FRK: variants seen among roughly 807,000 people sequenced by gnomAD.
The protein encoded by FRK is fyn related Src family tyrosine kinase, also known as tyrosine-protein kinase FRK.
Under a neutral mutation model 56.4 loss-of-function variants are expected in FRK, and 51 were observed. That is an observed-to-expected ratio of 0.90 (90% CI 0.72 to 1.14). The LOEUF (loss-of-function observed/expected upper bound fraction) is 1.14. Ranked by LOEUF, FRK falls within the 50% of genes most tolerant of loss-of-function variation. The probability of loss-of-function intolerance (pLI) is 0.00; values close to 1 mark genes in which losing one functional copy is unlikely to be tolerated. For missense variants in FRK, 570 were observed against 601.4 expected, an observed-to-expected ratio of 0.95 and a Z score of 0.55; for synonymous variants, 245 against 217.9, an observed-to-expected ratio of 1.12 and a Z score of -1.10.
At chr6:116,089,253 G>C in the FRK span, among the ~76,000 whole-genome samples, 1 of 152,140 alleles carries the variant, frequency 6.6e-6, no homozygotes, top group East Asian at 1.9e-4. Context: ...ATAACATTAA[G>C]ATATTGACTG....
chr6:115,940,982 A>G lies in FRK; in HGVS notation c.*1432T>C, dbSNP rs542701065. The stretch of plus-strand genomic sequence containing the variant: ...TAGAACTAGAAATACCATTTGACTC[A>G]GCGATCCCATTACTGGGTATGTACC... On this transcript the variant is annotated 3_prime_UTR_variant, in exon 8 of 8. Transcript: ENST00000606080. 6.6e-6 allele frequency: 1 copy of G among 152,272 alleles called. No homozygotes were observed. The highest frequency in any genetic ancestry group is 1.5e-5 in the Non-Finnish European group (1 of 68,054). The allele number at this position is 152,272 out of a possible 1,614,324, so 9.4% of individuals were successfully genotyped here. A position where few individuals can be genotyped will look rare whatever the true frequency, so the allele number is the denominator to read the frequency against.
intron 4 of FRK, among the ~76,000 whole-genome samples, chr6:115,961,475 G>A (rs1354333956): frequency 1.9e-5 from 2 of 107,282 alleles, no homozygotes; most frequent in Non-Finnish European, 3.7e-5. Flanking sequence ...CACTCTGCAG[G>A]ATATTATCCA....
chr6:116,028,247 AT>A (rs2114754686), intron 1 of FRK, among the ~76,000 whole-genome samples: 1 of 152,290 alleles, frequency 6.6e-6, no homozygotes, highest in East Asian at 1.9e-4. Flanking sequence ...ATTTTTAAAA[AT>A]TTCCTATACT....
the FRK span, among the ~76,000 whole-genome samples, chr6:116,083,077 T>C: frequency 6.6e-6 from 1 of 151,610 alleles, no homozygotes; most frequent in Non-Finnish European, 1.5e-5. Flanking sequence ...GAAGAAGGAG[T>C]AGGGTTCCTA....
chr6:116,079,558 G>T, the FRK span, among the ~76,000 whole-genome samples: 21 of 152,062 alleles, frequency 1.4e-4, no homozygotes, highest in Non-Finnish European at 2.6e-4. Flanking sequence ...CATTTAAAAT[G>T]TTTTTTATGG....
intron 6 of FRK, 130 bp downstream of exon 6, chr6:115,944,114 A>G (rs1772319995): frequency 1.5e-6 from 1 of 652,438 alleles, no homozygotes. Context: ...GCTTTGGACT[A>G]CTGAAGTAGT....
intron 2 of FRK, among the ~76,000 whole-genome samples, chr6:115,998,114 A>T (rs747271111): frequency 5.3e-5 from 8 of 152,230 alleles, no homozygotes; most frequent in Non-Finnish European, 4.4e-5. Context: ...GCTAGAGCAG[A>T]GACAGTGCAG....
rs561194922 is a variant in FRK, at chr6:115,931,846, C to A, written c.*10568G>T. On this transcript the variant is annotated 3_prime_UTR_variant, in exon 8 of 8. Coordinates refer to ENST00000606080, the MANE Select transcript of FRK (RefSeq NM_002031.3). ...TTAGTTGCTTTTAACCACTTTTTCC[C>A]AACATACAACTTCTGGTTATTAGGT... 43 of 152,218 alleles carry A rather than the reference C, an allele frequency of 2.8e-4. No homozygotes were observed. The highest frequency in any genetic ancestry group is 2.7e-3 in the Admixed American group (42 of 15,292). The allele number at this position is 152,218 out of a possible 1,614,324, so 9.4% of individuals were successfully genotyped here.
At chr6:116,034,238 G>C (rs578195373) in intron 1 of FRK, among the ~76,000 whole-genome samples, 17 of 152,196 alleles carry the variant, frequency 1.1e-4, no homozygotes, top group African/African-American at 3.6e-4. Flanking sequence ...AAAATACCTA[G>C]AAGAGAGAAT....
chr6:116,092,143 C>T, the FRK span, among the ~76,000 whole-genome samples: 2 of 152,134 alleles, frequency 1.3e-5, no homozygotes. Context: ...TCTTTAGGCA[C>T]CTGGGCTTAC....
chr6:116,017,126 T>C (rs998936702), intron 1 of FRK, among the ~76,000 whole-genome samples: 11 of 152,124 alleles, frequency 7.2e-5, no homozygotes, highest in African/African-American at 2.7e-4. Context: ...CTCAGAACTG[T>C]TGTGGAAAAA....
In FRK at chr6:115,932,035, C is replaced by T. The variant is rs117522580; in HGVS notation, c.*10379G>A. 4.4e-4 allele frequency: 67 copies of T among 152,276 alleles called. 1 individual carries two copies. In the East Asian group the frequency reaches 7.3e-3, roughly 17 times the overall value. The allele number at this position is 152,276 out of a possible 1,614,324, so 9.4% of individuals were successfully genotyped here. A position where few individuals can be genotyped will look rare whatever the true frequency, so the allele number is the denominator to read the frequency against. On this transcript the variant is annotated 3_prime_UTR_variant, in exon 8 of 8. Transcript: ENST00000606080. ...AAATGAATAATAGATAAATTAACTA[C>T]CTAGGCAAGAAGAGTAAATGGAAAT... is the stretch of plus-strand genomic sequence containing the variant.
chr6:115,971,086 A>G (rs192607464), intron 2 of FRK, among the ~76,000 whole-genome samples: 13 of 152,238 alleles, frequency 8.5e-5, no homozygotes, highest in Admixed American at 1.3e-4. Flanking sequence ...TACTTTTATT[A>G]TGTGTATCAC....
At chr6:115,949,171 A>C (rs1230230751) in intron 5 of FRK, among the ~76,000 whole-genome samples, 1 of 152,190 alleles carries the variant, frequency 6.6e-6, no homozygotes, top group Non-Finnish European at 1.5e-5. Context: ...TTATCAGCTT[A>C]AGGAGTTTTT....
At chr6:116,092,929 T>C in the FRK span, among the ~76,000 whole-genome samples, 7 of 152,198 alleles carry the variant, frequency 4.6e-5, no homozygotes, top group South Asian at 8.3e-4. Flanking sequence ...CTCATTTTTT[T>C]CTGCACTATT....
the FRK span, among the ~76,000 whole-genome samples, chr6:116,088,549 G>T: frequency 6.6e-6 from 1 of 152,112 alleles, no homozygotes; most frequent in Non-Finnish European, 1.5e-5. Context: ...ACATATAATT[G>T]TACACTACAG....
rs114204122 is a variant in FRK at position 115,978,032 on chromosome 6, G to C, written c.467-9293C>G. 6.0e-3 allele frequency among the ~76,000 whole-genome samples: 915 copies of C among 152,206 alleles called. 8 individuals are homozygous for C. Among genetic ancestry groups the C allele is most frequent in the African/African-American group, 0.021 (870 of 41,546 alleles). The stretch of plus-strand genomic sequence containing the variant: ...ATTTCCCATGAAAACAGCATTTACA[G>C]CATCTCATATTGCAGAGAAATGCTC... On this transcript the variant is annotated intron_variant, in intron 2 of 7. Coordinates refer to ENST00000606080, the MANE Select transcript of FRK (RefSeq NM_002031.3).
the FRK span, among the ~76,000 whole-genome samples, chr6:116,097,467 C>CA: frequency 6.6e-6 from 1 of 151,988 alleles, no homozygotes; most frequent in Non-Finnish European, 1.5e-5. Flanking sequence ...CCCTCCTTCC[C>CA]AAAAATGTAT....
At chr6:115,999,636 C>T (rs548856237) in intron 2 of FRK, among the ~76,000 whole-genome samples, 1 of 152,170 alleles carries the variant, frequency 6.6e-6, no homozygotes, top group Non-Finnish European at 1.5e-5. Context: ...TTTTTGCCTT[C>T]CTTTAGCAGC....
Sources: gnomAD v4.1 joint callset for allele counts (sites outside exome capture counted in the v4.1 genomes callset) on GRCh38, gnomAD v4.1.1 for gene constraint, MANE v1.5 for transcripts, NCBI Gene and HGNC (gene_info 2026-07-23, HGNC 2026-07-21) for gene names.